The following GSAP variants were observed in gnomAD, a reference collection of about 807,000 sequenced individuals.
GSAP encodes the protein gamma-secretase activating protein.
Under a neutral mutation model 131.7 loss-of-function variants are expected in GSAP, and 118 were observed. That is an observed-to-expected ratio of 0.90 (90% confidence interval 0.77 to 1.04). GSAP has a LOEUF of 1.04. Among genes scored for constraint, GSAP ranks in the 50% least tolerant of loss-of-function variants. GSAP has a pLI of 0.00. For synonymous variants in GSAP, 381 were observed against 363.4 expected, an observed-to-expected ratio of 1.05 and a Z score of -0.55; for missense variants, 1,019 against 1,013.2, an observed-to-expected ratio of 1.01 and a Z score of -0.08.
chr7:77,354,827 G>A lies in GSAP; in HGVS notation c.1338+386C>T, dbSNP rs117209655. On this transcript the variant is annotated intron_variant, in intron 16 of 30. Coordinates refer to ENST00000257626, the MANE Select transcript of GSAP (RefSeq NM_017439.4). ...ACTCTAATGTGAAATACAAATGTAAGCTATTTTTATTACAAATGTAATAAA... is the reference window on the plus strand; with the variant it reads ...ACTCTAATGTGAAATACAAATGTAAACTATTTTTATTACAAATGTAATAAA... Among the ~76,000 whole-genome samples, 322 of 152,150 alleles carry A rather than the reference G, an allele frequency of 2.1e-3. 3 individuals carry two copies. Among genetic ancestry groups the A allele is most frequent in the Middle Eastern group, 6.8e-3 (2 of 292 alleles).
At position 77,375,066 on chromosome 7, in the gene GSAP, T is replaced by G; in HGVS notation, c.777A>C (p.Ser259=). The G allele has an allele frequency of 4.6e-6, 7 of 1,524,018 alleles. No homozygotes were observed. Among genetic ancestry groups the G allele is most frequent in the Non-Finnish European group, 5.4e-6 (6 of 1,105,982 alleles). The allele number at this position is 1,524,018 out of a possible 1,614,324, so 94.4% of individuals were successfully genotyped here. Reference sequence around the variant, plus strand: ...ACCTATGAATAACTTACTTAAATCCTGAGTTGCTTAATGATATGTCCAAGG... The same window carrying G: ...ACCTATGAATAACTTACTTAAATCCGGAGTTGCTTAATGATATGTCCAAGG... ...EVPLDISLSN[S]GFKLVNFGCD... is the part of the protein sequence containing the mutation. The change falls in exon 11 of 31, where the codon TCA becomes TCC. Residue 259 remains serine (S), a synonymous_variant. Transcript: ENST00000257626.
At chr7:77,351,568 GC>G (rs1563002011) in intron 18 of GSAP, 1 of 985,508 alleles carries the variant, frequency 1.0e-6, no homozygotes, top group East Asian at 1.1e-4. Context: ...AAGCAACATG[GC>G]AAACCCCAAG....
chr7:77,398,038 T>A (rs1800720924), intron 3 of GSAP, among the ~76,000 whole-genome samples: 1 of 152,134 alleles, frequency 6.6e-6, no homozygotes, highest in East Asian at 1.9e-4. Flanking sequence ...TTCCATTTTC[T>A]TGAATATTAA....
intron 2 of GSAP, among the ~76,000 whole-genome samples, chr7:77,405,319 A>AT: frequency 6.6e-6 from 1 of 151,468 alleles, no homozygotes; most frequent in East Asian, 1.9e-4. Flanking sequence ...AATAATAATA[A>AT]TGCTTCGAAA....
intron 5 of GSAP, among the ~76,000 whole-genome samples, chr7:77,396,519 G>T (rs1026682013): frequency 6.6e-6 from 1 of 152,122 alleles, no homozygotes; most frequent in African/African-American, 2.4e-5. Flanking sequence ...TTTAAAAGGT[G>T]GTGGGGAGGG....
intron 5 of GSAP, among the ~76,000 whole-genome samples, chr7:77,394,786 A>ATCAT: frequency 6.6e-6 from 1 of 152,342 alleles, no homozygotes; most frequent in South Asian, 2.1e-4. Context: ...TCTCCTGGGC[A>ATCAT]TCATGCCCAA....
Position 77,374,127 on chromosome 7 carries a change from G to A in GSAP, c.814C>T (p.Gln272Ter). 1 of 1,589,812 alleles carries A rather than the reference G, an allele frequency of 6.3e-7. No individual in the cohort carries two copies. Among genetic ancestry groups the A allele is most frequent in the South Asian group, 1.1e-5 (1 of 89,302 alleles). Residue 272 changes from glutamine to a stop codon, truncating the protein, a stop_gained, in exon 12 of 31, where the codon CAA (glutamine) becomes TAA (stop). Transcript: ENST00000257626. LOFTEE classifies it high-confidence loss of function. ...KLVNFGCDYH[Q>*]YRDKFSKHLT... The stretch of plus-strand genomic sequence containing the variant: ...TGTTTGGAAAATTTATCTCGGTATT[G>A]ATGATAATCACATCCAAAGTTGACA...
intron 3 of GSAP, among the ~76,000 whole-genome samples, chr7:77,402,770 C>T (rs1034057938): frequency 8.0e-5 from 12 of 150,458 alleles, no homozygotes; most frequent in Non-Finnish European, 1.3e-4. Flanking sequence ...TTAGCGACTA[C>T]GGTTCAGAAG....
At chr7:77,337,128 T>G (rs1320287194) in intron 19 of GSAP, among the ~76,000 whole-genome samples, 1 of 152,200 alleles carries the variant, frequency 6.6e-6, no homozygotes, top group Non-Finnish European at 1.5e-5. Context: ...AGCAATTAAT[T>G]ACATTCATGC....
At chr7:77,369,703 G>A (rs764203021) in intron 12 of GSAP, among the ~76,000 whole-genome samples, 1 of 152,110 alleles carries the variant, frequency 6.6e-6, no homozygotes, top group African/African-American at 2.4e-5. Flanking sequence ...TGCTATAGAG[G>A]GAGTCACATT....
chr7:77,314,577 C>T, intron 26 of GSAP, 88 bp from the exon 27 acceptor site: 1 of 1,462,074 alleles, frequency 6.8e-7, no homozygotes, highest in South Asian at 1.2e-5. Context: ...TAATAAAGCA[C>T]TTAGTTCAGT....
At chr7:77,408,016 A>C (rs887388434) in intron 1 of GSAP, among the ~76,000 whole-genome samples, 4 of 152,372 alleles carry the variant, frequency 2.6e-5, no homozygotes, top group Non-Finnish European at 2.9e-5. Flanking sequence ...TTCAATTCAT[A>C]CACAAGTTTT....
chr7:77,354,425 A>G (rs1793355048), intron 16 of GSAP, among the ~76,000 whole-genome samples: 1 of 152,182 alleles, frequency 6.6e-6, no homozygotes, highest in Non-Finnish European at 1.5e-5. Flanking sequence ...AGGGGAAACA[A>G]CTAAAAAAGA....
intron 12 of GSAP, among the ~76,000 whole-genome samples, chr7:77,370,070 TG>T (rs1290193782): frequency 6.6e-6 from 1 of 152,144 alleles, no homozygotes; most frequent in Non-Finnish European, 1.5e-5. Context: ...CAGCTAGTAA[TG>T]GTCACGAGAA....
rs535483031 is a variant in GSAP, at chr7:77,341,978, G to A, written c.1545+7373C>T. Among the ~76,000 whole-genome samples, 8 of 152,290 alleles carry A rather than the reference G, an allele frequency of 5.3e-5. No individual in the cohort carries two copies. The East Asian group carries it at 1.5e-3, about 29-fold the overall frequency. On this transcript the variant is annotated intron_variant, in intron 19 of 30. Coordinates refer to ENST00000257626, the MANE Select transcript of GSAP (RefSeq NM_017439.4). Reference sequence around the variant, plus strand: ...CCCCCAGGATCTTACTTCAGTGCTGGAAATCTGGCCACTGGGCCAAGGAAT... The same window carrying A: ...CCCCCAGGATCTTACTTCAGTGCTGAAAATCTGGCCACTGGGCCAAGGAAT...
intron 10 of GSAP, among the ~76,000 whole-genome samples, chr7:77,375,580 C>T (rs1211174660): frequency 6.6e-6 from 1 of 152,206 alleles, no homozygotes; most frequent in Non-Finnish European, 1.5e-5. Context: ...CATGGTGGCT[C>T]ACGCCTATAA....
At chr7:77,416,436 C>T, upstream of GSAP, 1 of 520,172 alleles carries the variant, frequency 1.9e-6, no homozygotes, top group South Asian at 2.8e-5. Context: ...CTCTCCCCCG[C>T]CCCCTGCTGC....
intron 5 of GSAP, among the ~76,000 whole-genome samples, chr7:77,390,532 T>G (rs916110104): frequency 6.6e-6 from 1 of 152,114 alleles, no homozygotes; most frequent in Non-Finnish European, 1.5e-5. Flanking sequence ...CACCATTTAT[T>G]AAATAGGGAA....
chr7:77,373,935 T>C (rs1796478869), intron 12 of GSAP, 135 bp downstream of exon 12: 1 of 653,978 alleles, frequency 1.5e-6, no homozygotes. Flanking sequence ...ATTTGATACA[T>C]GACAATCCAT....
Sources: gnomAD v4.1 joint callset for allele counts (sites outside exome capture counted in the v4.1 genomes callset) on GRCh38, gnomAD v4.1.1 for gene constraint, MANE v1.5 for transcripts, NCBI Gene and HGNC (gene_info 2026-07-23, HGNC 2026-07-21) for gene names.